The following LRRC7 variants were observed in gnomAD, a reference collection of about 807,000 sequenced individuals.
LRRC7 encodes the protein leucine-rich repeat-containing protein 7.
LRRC7 carries 23 observed loss-of-function variants against 175.7 expected under a neutral mutation model. The ratio of observed to expected loss-of-function variants is 0.13; its 90% CI spans 0.09 to 0.19. The LOEUF is 0.19. Among genes scored for constraint, LRRC7 ranks in the 10% least tolerant of loss-of-function variants. The pLI is 1.00. For synonymous variants in LRRC7, 685 were observed against 680.9 expected (o/e 1.01, Z -0.09); for missense variants, 1,354 against 1,904.7 (o/e 0.71, Z 5.38).
intron 7 of LRRC7, 51 bp downstream of exon 7, chr1:69,838,334 T>A (rs780155492): frequency 7.3e-7 from 1 of 1,360,726 alleles, no homozygotes; most frequent in Non-Finnish European, 1.0e-6. Flanking sequence ...TTTTCACTAG[T>A]AAGAGAAATA....
intron 24 of LRRC7, among the ~76,000 whole-genome samples, chr1:70,082,793 T>C (rs1438310473): frequency 1.7e-4 from 18 of 105,210 alleles, no homozygotes; most frequent in Admixed American, 3.2e-4. Context: ...TTTTTTTTTT[T>C]TTTTTTTTTT....
intron 24 of LRRC7, among the ~76,000 whole-genome samples, chr1:70,081,078 TA>T (rs1663174616): frequency 1.3e-5 from 2 of 152,188 alleles, no homozygotes; most frequent in Admixed American, 1.3e-4. Flanking sequence ...CATCCCCAGA[TA>T]AACTGATTTT....
chr1:70,083,802 C>T (rs907460956), intron 24 of LRRC7, among the ~76,000 whole-genome samples: 4 of 152,176 alleles, frequency 2.6e-5, no homozygotes, highest in African/African-American at 9.7e-5. Context: ...ACAGTCTACA[C>T]TCAATCCACA....
chr1:69,984,700 A>T (rs532084336), intron 9 of LRRC7, among the ~76,000 whole-genome samples: 36 of 152,050 alleles, frequency 2.4e-4, no homozygotes, highest in Middle Eastern at 3.4e-3. Context: ...CTTCATCCTC[A>T]CTTCTGTTGC....
chr1:69,758,024 A>G (rs1670626592), intron 2 of LRRC7, among the ~76,000 whole-genome samples: 1 of 151,970 alleles, frequency 6.6e-6, no homozygotes, highest in South Asian at 2.1e-4. Context: ...TGCCACTACC[A>G]TAGTCTATGC....
At chr1:69,968,749 C>G (rs755393903) in intron 8 of LRRC7, among the ~76,000 whole-genome samples, 1 of 152,120 alleles carries the variant, frequency 6.6e-6, no homozygotes, top group Non-Finnish European at 1.5e-5. Flanking sequence ...TCACCACTCT[C>G]AAGCCAGCAA....
At chr1:70,089,616 T>C in intron 24 of LRRC7, 111 bp from the exon 25 acceptor site, 1 of 702,736 alleles carries the variant, frequency 1.4e-6, no homozygotes, top group East Asian at 2.9e-5. Flanking sequence ...CAACATAGGC[T>C]AACCCTAAGA....
At chr1:70,014,913 A>G (rs114957012) in intron 13 of LRRC7, among the ~76,000 whole-genome samples, 34 of 152,094 alleles carry the variant, frequency 2.2e-4, no homozygotes, top group African/African-American at 7.9e-4. Context: ...TTCTACATTT[A>G]TGACTGGATT....
Position 69,568,576 on chromosome 1 carries a change from A to G in LRRC7, c.-64A>G. The G allele has an allele frequency of 7.5e-7, 1 of 1,340,502 alleles. No individual in the cohort carries two copies. Among genetic ancestry groups the G allele is most frequent in the Non-Finnish European group, 9.9e-7 (1 of 1,010,152 alleles). The allele number at this position is 1,340,502 out of a possible 1,614,324, so 83.0% of individuals were successfully genotyped here. A position where few individuals can be genotyped will look rare whatever the true frequency, so the allele number is the denominator to read the frequency against. Reference sequence around the variant, plus strand: ...CTGCGGACCCCTGAACACTTAAGGAATAACCCTTGGCAGCTGCACGACTAC... The same window carrying G: ...CTGCGGACCCCTGAACACTTAAGGAGTAACCCTTGGCAGCTGCACGACTAC... On this transcript the variant is annotated 5_prime_UTR_variant, in exon 1 of 27. Coordinates refer to ENST00000651989, the MANE Select transcript of LRRC7 (RefSeq NM_001370785.2).
In LRRC7 at chr1:70,125,391, C is replaced by A. The variant is rs1666399496; in HGVS notation, c.*3504C>A. Among the ~76,000 whole-genome samples the A allele has an allele frequency of 1.3e-5, 2 of 152,170 alleles. No homozygotes were observed. The highest frequency in any genetic ancestry group is 4.8e-5 in the African/African-American group (2 of 41,432). ...GATGGAAAACAGCTTTGAGGAGAGA[C>A]TGACAAGCCAATGTTAATTTGCTCT... On this transcript the variant is annotated 3_prime_UTR_variant, in exon 27 of 27. Coordinates refer to ENST00000651989, the MANE Select transcript of LRRC7 (RefSeq NM_001370785.2).
chr1:69,820,603 C>G (rs1679169383), intron 4 of LRRC7, among the ~76,000 whole-genome samples: 1 of 152,056 alleles, frequency 6.6e-6, no homozygotes, highest in African/African-American at 2.4e-5. Flanking sequence ...TGAGTGAGAA[C>G]ATGTGGTGTT....
At chr1:69,918,624 A>G (rs1368200630) in intron 7 of LRRC7, among the ~76,000 whole-genome samples, 1 of 152,190 alleles carries the variant, frequency 6.6e-6, no homozygotes, top group Non-Finnish European at 1.5e-5. Context: ...AATACAGCCA[A>G]TAATACTGAA....
At chr1:70,014,780 T>C (rs1347637892) in intron 13 of LRRC7, among the ~76,000 whole-genome samples, 1 of 152,076 alleles carries the variant, frequency 6.6e-6, no homozygotes, top group African/African-American at 2.4e-5. Context: ...AGCTGCAAGA[T>C]TGCTCCTGTG....
intron 4 of LRRC7, among the ~76,000 whole-genome samples, chr1:69,804,114 C>A (rs2101108364): frequency 6.6e-6 from 1 of 151,316 alleles, no homozygotes; most frequent in South Asian, 2.1e-4. Flanking sequence ...ACATTTGGGA[C>A]CTTTTTATTC....
chr1:69,677,943 GAA>G (rs1660003545), intron 1 of LRRC7, among the ~76,000 whole-genome samples: 2 of 151,980 alleles, frequency 1.3e-5, no homozygotes, highest in African/African-American at 4.8e-5. Context: ...GAGAGAGAGA[GAA>G]GTCTACCTTT....
chr1:69,950,065 C>G (rs1649759332), intron 8 of LRRC7, among the ~76,000 whole-genome samples: 1 of 151,782 alleles, frequency 6.6e-6, no homozygotes, highest in Non-Finnish European at 1.5e-5. Flanking sequence ...AATCAGCTTA[C>G]TCTTTTTCCA....
At chr1:69,969,728 A>G (rs1031720801) in intron 8 of LRRC7, among the ~76,000 whole-genome samples, 3 of 152,180 alleles carry the variant, frequency 2.0e-5, no homozygotes, top group African/African-American at 7.2e-5. Flanking sequence ...TCATCAAGAC[A>G]GAAAGTCAAC....
chr1:70,081,743 A>G (rs1663227532), intron 24 of LRRC7, among the ~76,000 whole-genome samples: 1 of 152,206 alleles, frequency 6.6e-6, no homozygotes, highest in Non-Finnish European at 1.5e-5. Flanking sequence ...CCTTCACTCC[A>G]TGTCTGCCCT....
chr1:69,842,247 G>T (rs1007286855), intron 7 of LRRC7, among the ~76,000 whole-genome samples: 1 of 151,964 alleles, frequency 6.6e-6, no homozygotes, highest in African/African-American at 2.4e-5. Context: ...TCATATAAAT[G>T]GTTGGTAATA....
Sources: gnomAD v4.1 joint callset for allele counts (sites outside exome capture counted in the v4.1 genomes callset) on GRCh38, gnomAD v4.1.1 for gene constraint, MANE v1.5 for transcripts, NCBI Gene and HGNC (gene_info 2026-07-23, HGNC 2026-07-21) for gene names.